Variants in HLA-DQB1 observed in about 807,000 individuals in gnomAD.
HLA-DQB1 encodes major histocompatibility complex, class II, DQ beta 1.
In HLA-DQB1, 13 loss-of-function variants were observed where a neutral mutation model predicts 26.4. That is an observed-to-expected ratio of 0.49 (90% CI 0.32 to 0.78). HLA-DQB1 has a LOEUF of 0.78. Ranked by LOEUF, HLA-DQB1 falls within the 30% of genes least tolerant of loss-of-function variation. HLA-DQB1 has a pLI of 0.03. For missense variants in HLA-DQB1, 158 were observed against 326.2 expected, an observed-to-expected ratio of 0.48 and a Z score of 3.97; for synonymous variants, 60 against 129.1, an observed-to-expected ratio of 0.46 and a Z score of 3.63.
intron 1 of HLA-DQB1, among the ~76,000 whole-genome samples, chr6:32,665,621 T>C (rs28746824): frequency 0.12 from 7,743 of 62,182 alleles, 1,814 homozygotes; most frequent in East Asian, 0.28. Context: ...CCTACACCTC[T>C]GAGTCCTAGA....
At chr6:32,661,534 G>C (rs1783010983) in intron 3 of HLA-DQB1, 77 bp from the exon 4 acceptor site, 1 of 901,864 alleles carries the variant, frequency 1.1e-6, no homozygotes, top group South Asian at 1.7e-5. Flanking sequence ...AGTCCAGTCT[G>C]AGGTGCAGAA....
At chr6:32,666,608 AACT>A (rs758753379) in exon 1 of HLA-DQB1, 2 of 1,045,668 alleles carry the variant, frequency 1.9e-6, no homozygotes, top group Non-Finnish European at 2.9e-6. Context: ...TCCAAGACAT[AACT>A]GAGACGAAGG....
chr6:32,665,005 G>A (rs12722115), exon 2 of HLA-DQB1: 283,041 of 1,305,790 alleles, frequency 0.22, 56,957 homozygotes, highest in South Asian at 0.34. Context: ...CTGGTCACAA[G>A]ACGCACGCGC....
chr6:32,665,073 G>T lies in HLA-DQB1; in HGVS notation c.110-6C>A. ...AAACTGGAACACGAAATCCTCTGCGGGGAATCACCGGCCGGTCAGTCAGGC... is the reference window on the plus strand; with the variant it reads ...AAACTGGAACACGAAATCCTCTGCGTGGAATCACCGGCCGGTCAGTCAGGC... On this transcript the variant is annotated splice_polypyrimidine_tract_variant and splice_region_variant and intron_variant, in intron 1 of 4. Transcript: ENST00000434651. 7.7e-7 allele frequency: 1 copy of T among 1,303,968 alleles called. No homozygotes were observed. Among genetic ancestry groups the T allele is most frequent in the Non-Finnish European group, 1.1e-6 (1 of 943,838 alleles). The allele number at this position is 1,303,968 out of a possible 1,614,324, so 80.8% of individuals were successfully genotyped here.
At chr6:32,663,415 G>GAAAGTATCATGTTGTCC (rs9282143) in intron 2 of HLA-DQB1, 1 of 126,710 alleles carries the variant, frequency 7.9e-6, no homozygotes, top group Admixed American at 8.0e-5. Context: ...TTTCAATGCC[G>GAAAGTATCATGTTGTCC]CATTAACACA....
At chr6:32,660,982 T>C in intron 4 of HLA-DQB1, 1 of 709,030 alleles carries the variant, frequency 1.4e-6, no homozygotes, top group South Asian at 1.6e-5. Flanking sequence ...TACATTCTCT[T>C]CCCACCCATG....
At chr6:32,664,528 GA>G (rs1258054336) in intron 2 of HLA-DQB1, 5,925 of 180,638 alleles carry the variant, frequency 0.033, 1,028 homozygotes, top group Admixed American at 0.059. Flanking sequence ...CACGAGGCGA[GA>G]AACGTGCAGA....
chr6:32,660,870 G>T, intron 4 of HLA-DQB1: 3 of 1,516,478 alleles, frequency 2.0e-6, no homozygotes, highest in Non-Finnish European at 2.7e-6. Flanking sequence ...TGCTGGTGGA[G>T]GCCCTTGAGG....
At chr6:32,661,142 C>A (rs1395680405) in intron 4 of HLA-DQB1, among the ~76,000 whole-genome samples, 6 of 123,004 alleles carry the variant, frequency 4.9e-5, no homozygotes, top group Non-Finnish European at 3.5e-5. Context: ...TAAGGATGCC[C>A]TGGAATAAGC....
At chr6:32,666,540 G>T (rs575475309) in exon 1 of HLA-DQB1, 4 of 1,189,870 alleles carry the variant, frequency 3.4e-6, no homozygotes, top group Non-Finnish European at 4.9e-6. Context: ...GCTCAGCATC[G>T]CCAGCATCAA....
exon 3 of HLA-DQB1, chr6:32,661,978 G>A (rs1130399): frequency 0.12 from 168,931 of 1,372,612 alleles, 20,253 homozygotes; most frequent in East Asian, 0.34. Flanking sequence ...CCACTCCACG[G>A]TGATGGGGCT....
rs281861250 is a variant in HLA-DQB1 at position 32,666,013 on chromosome 6, A to G, written c.109+486T>C. Among the ~76,000 whole-genome samples, 19 of 118,038 alleles carry G rather than the reference A, an allele frequency of 1.6e-4. No homozygotes were observed. In the South Asian group the frequency reaches 4.9e-3, roughly 30 times the overall value. 77.4% of individuals were successfully genotyped at this position (118,038 alleles called of 152,430 possible). A position where few individuals can be genotyped will look rare whatever the true frequency, so the allele number is the denominator to read the frequency against. ...CAGCCAGTCAGCTTCCCTCAGCACCAAGATTTTGCCTCCACAAATGCTCCA... is the reference window on the plus strand; with the variant it reads ...CAGCCAGTCAGCTTCCCTCAGCACCGAGATTTTGCCTCCACAAATGCTCCA... On this transcript the variant is annotated intron_variant, in intron 1 of 4. Transcript: ENST00000434651.
chr6:32,666,009 C>T (rs9274482), intron 1 of HLA-DQB1, among the ~76,000 whole-genome samples: 72,564 of 102,922 alleles, frequency 0.71, 26,913 homozygotes, highest in East Asian at 0.9. Flanking sequence ...CTTCCCTCAG[C>T]ACCAAGATTT....
chr6:32,661,803 G>A, intron 3 of HLA-DQB1, 164 bp downstream of exon 3: 1 of 625,372 alleles, frequency 1.6e-6, no homozygotes, highest in Non-Finnish European at 2.7e-6. Context: ...AAGGTGATGA[G>A]ACCAGGATTC....
At chr6:32,664,873 C>G (rs1130386) in exon 2 of HLA-DQB1, 12 of 1,129,026 alleles carry the variant, frequency 1.1e-5, no homozygotes, top group Middle Eastern at 2.2e-4. Context: ...GCCCGGGTCC[C>G]CTCCAGGACT....
intron 1 of HLA-DQB1, among the ~76,000 whole-genome samples, chr6:32,665,786 C>A (rs281861424): frequency 2.3e-5 from 3 of 129,288 alleles, no homozygotes; most frequent in African/African-American, 5.7e-5. Flanking sequence ...TATCTACACA[C>A]AGGATGTTAG....
chr6:32,660,065 C>T, exon 5 of HLA-DQB1: 1 of 375,780 alleles, frequency 2.7e-6, no homozygotes, highest in South Asian at 3.2e-5. Context: ...GAGTCACAGC[C>T]AGCGCCTTGG....
intron 1 of HLA-DQB1, 94 bp downstream of exon 1, chr6:32,666,405 C>T (rs281860929): frequency 4.3e-6 from 2 of 465,206 alleles, no homozygotes; most frequent in Admixed American, 5.0e-5. Context: ...AAGATTGTGT[C>T]CAAGATCATA....
In HLA-DQB1 at chr6:32,665,013, C is replaced by A. The variant is rs41540813; in HGVS notation, c.164G>T (p.Arg55Leu). 2.8e-3 allele frequency: 3,891 copies of A among 1,386,174 alleles called. 292 individuals carry two copies. In the East Asian group the frequency reaches 0.086, roughly 31 times the overall value. 85.9% of individuals were successfully genotyped at this position (1,386,174 alleles called of 1,614,324 possible). Residue 55 changes from arginine (R) to leucine (L), a missense_variant, in exon 2 of 5, where the codon CGC (arginine) becomes CTC (leucine). By Grantham distance (102) the Arg-to-Leu change is moderately radical. Coordinates refer to ENST00000434651, the Ensembl canonical transcript of HLA-DQB1. ...GATGTATCTGGTCACAAGACGCACG[C>A]GCTCCGTCCCGTTGGTGAAGTAGCA...
Sources: gnomAD v4.1 joint callset for allele counts (sites outside exome capture counted in the v4.1 genomes callset) on GRCh38, gnomAD v4.1.1 for gene constraint, MANE v1.5 for transcripts, NCBI Gene and HGNC (gene_info 2026-07-23, HGNC 2026-07-21) for gene names.